Variants in MMS22L observed in about 807,000 individuals in gnomAD.
MMS22L encodes MMS22 like, DNA repair protein.
Under a neutral mutation model 159.1 loss-of-function variants are expected in MMS22L, and 74 were observed. That is an observed-to-expected ratio of 0.47 (90% confidence interval 0.39 to 0.56). The LOEUF (loss-of-function observed/expected upper bound fraction) is 0.56. Among genes scored for constraint, MMS22L ranks in the 20% least tolerant of loss-of-function variants. The pLI, the probability that MMS22L is intolerant of heterozygous loss-of-function variation, is 0.00. For synonymous variants in MMS22L, 517 were observed against 506.9 expected, an observed-to-expected ratio of 1.02 and a Z score of -0.27; for missense variants, 1,351 against 1,422.1, an observed-to-expected ratio of 0.95 and a Z score of 0.80.
chr6:97,273,147 C>T, intron 4 of MMS22L, 85 bp from the exon 5 acceptor site: 2 of 1,010,526 alleles, frequency 2.0e-6, no homozygotes, highest in Non-Finnish European at 3.0e-6. Context: ...ATACCGGCAG[C>T]AATTCTCTAT....
intron 9 of MMS22L, among the ~76,000 whole-genome samples, chr6:97,263,096 G>GA (rs1463653738): frequency 6.6e-6 from 1 of 151,886 alleles, no homozygotes; most frequent in Non-Finnish European, 1.5e-5. Flanking sequence ...AACAAAACTT[G>GA]AAAAAAAGTA....
intron 14 of MMS22L, among the ~76,000 whole-genome samples, chr6:97,208,796 C>T (rs906060749): frequency 5.9e-5 from 9 of 152,088 alleles, no homozygotes; most frequent in African/African-American, 2.4e-5. Context: ...CCCAGGTCTA[C>T]ACTCTGGCCC....
At chr6:97,204,589 C>T (rs890093960) in intron 14 of MMS22L, among the ~76,000 whole-genome samples, 4 of 151,954 alleles carry the variant, frequency 2.6e-5, no homozygotes, top group South Asian at 4.1e-4. Context: ...CCCAGGAGTT[C>T]GAGACTAGCC....
At chr6:97,198,736 G>A (rs951141068) in intron 14 of MMS22L, among the ~76,000 whole-genome samples, 8 of 152,050 alleles carry the variant, frequency 5.3e-5, no homozygotes, top group South Asian at 4.1e-4. Flanking sequence ...CCTAGAAGCC[G>A]TTCCCAACAA....
At chr6:97,275,125 A>G (rs1384775981) in intron 4 of MMS22L, among the ~76,000 whole-genome samples, 1 of 152,270 alleles carries the variant, frequency 6.6e-6, no homozygotes. Context: ...GAAACCCACA[A>G]TGTTCATCTA....
chr6:97,199,820 C>T (rs1806951095), intron 14 of MMS22L, among the ~76,000 whole-genome samples: 1 of 151,996 alleles, frequency 6.6e-6, no homozygotes, highest in African/African-American at 2.4e-5. Flanking sequence ...AAATAACAGT[C>T]TAGTCACCAT....
rs1340210813 is a variant in MMS22L at position 97,231,593 on chromosome 6, T to G, written c.1362A>C (p.Ser454=). The change falls in exon 13 of 25, where the codon TCA becomes TCC. Residue 454 remains serine (S), a synonymous_variant. Coordinates refer to ENST00000683635, the MANE Select transcript of MMS22L (RefSeq NM_001350599.2). ...TCACCATTTCAAGCATAGACAAGGG[T>G]GACTTCATGGTATTAGCAAGGCCTT... The part of the protein sequence containing the change: ...PFKGLANTMK[S]PLSMLEMVKT... 3 of 1,613,722 alleles carry G rather than the reference T, an allele frequency of 1.9e-6. No individual in the cohort carries two copies. The highest frequency in any genetic ancestry group is 2.5e-6 in the Non-Finnish European group (3 of 1,179,866).
chr6:97,267,910 A>C lies in MMS22L; in HGVS notation c.790T>G (p.Cys264Gly). 6.2e-7 allele frequency: 1 copy of C among 1,608,758 alleles called. No individual in the cohort carries two copies. The highest frequency in any genetic ancestry group is 1.1e-5 in the South Asian group (1 of 89,984). The change falls in exon 8 of 25, where the codon TGT becomes GGT. Residue 264 changes from cysteine to glycine, a missense_variant. Physicochemically the swap from Cys to Gly is radical, Grantham distance 159. Transcript: ENST00000683635. ...LFEEHCETLL[C>G]DLISLSLNRY... ...TTGAGTGACAGGCTTATTAAATCAC[A>C]AAGGAGAGTTTCACAATGTTCTTCA...
intron 10 of MMS22L, 179 bp downstream of exon 10, chr6:97,254,378 C>A: frequency 1.7e-6 from 1 of 578,826 alleles, no homozygotes; most frequent in Non-Finnish European, 2.9e-6. Flanking sequence ...TTTAATTAAA[C>A]AATTAAAACA....
chr6:97,182,607 T>C (rs998856070), intron 15 of MMS22L, among the ~76,000 whole-genome samples: 5 of 152,202 alleles, frequency 3.3e-5, no homozygotes, highest in Non-Finnish European at 7.4e-5. Flanking sequence ...GTGATTTTTC[T>C]TGGGAACCCA....
chr6:97,202,415 G>A lies in MMS22L; in HGVS notation c.2040-15725C>T, dbSNP rs917961641. On this transcript the variant is annotated intron_variant, in intron 14 of 24. Transcript: ENST00000683635. Reference sequence around the variant, plus strand: ...TATATATATAGAGCAAAGCTGCGAAGATCGCTGCAACACAACTTTTAAATA... The same window carrying A: ...TATATATATAGAGCAAAGCTGCGAAAATCGCTGCAACACAACTTTTAAATA... Among the ~76,000 whole-genome samples the A allele has an allele frequency of 4.6e-5, 7 of 152,170 alleles. No individual in the cohort carries two copies. The East Asian group carries it at 1.2e-3, about 25-fold the overall frequency.
chr6:97,193,962 C>T (rs540805571), intron 14 of MMS22L, among the ~76,000 whole-genome samples: 20 of 152,138 alleles, frequency 1.3e-4, no homozygotes, highest in South Asian at 1.0e-3. Context: ...GGGGTTTCAC[C>T]GTGTTAGCCA....
chr6:97,162,290 A>C, intron 21 of MMS22L, 125 bp from the exon 22 acceptor site: 1 of 686,598 alleles, frequency 1.5e-6, no homozygotes, highest in East Asian at 2.9e-5. Context: ...ACTTGTATAA[A>C]GTATGTATAT....
chr6:97,204,816 A>G (rs543885170), intron 14 of MMS22L, among the ~76,000 whole-genome samples: 3 of 145,928 alleles, frequency 2.1e-5, no homozygotes, highest in Non-Finnish European at 4.5e-5. Flanking sequence ...AAAAAAAATC[A>G]ACTATAATTA....
chr6:97,151,260 G>C (rs1159849060), intron 23 of MMS22L, among the ~76,000 whole-genome samples: 1 of 152,138 alleles, frequency 6.6e-6, no homozygotes, highest in Admixed American at 6.5e-5. Context: ...CATTTTTACT[G>C]TACCTTTTCT....
chr6:97,278,490 C>T (rs1328782539), intron 4 of MMS22L, among the ~76,000 whole-genome samples: 7 of 149,540 alleles, frequency 4.7e-5, no homozygotes, highest in Non-Finnish European at 4.5e-5. Context: ...CAAAAGCAAA[C>T]ACAAAAGCAG....
At chr6:97,162,201 AAGCTTCAATAG>A in intron 21 of MMS22L, 36 bp from the exon 22 acceptor site, 1 of 1,562,328 alleles carries the variant, frequency 6.4e-7, no homozygotes, top group Non-Finnish European at 8.6e-7. Flanking sequence ...TCTCTGCTTA[AAGCTTCAATAG>A]AGCAAGACCA....
rs1802872292 is a variant in MMS22L, at chr6:97,165,477, G to A, written c.3010-20C>T. ...CATGCCCTACAAGGAAAAAAAGTAAGAAATACTAAGAGGTAAAGTTTCAAA... is the reference window on the plus strand; with the variant it reads ...CATGCCCTACAAGGAAAAAAAGTAAAAAATACTAAGAGGTAAAGTTTCAAA... On this transcript the variant is annotated intron_variant, in intron 20 of 24. Transcript: ENST00000683635. 2 of 1,590,780 alleles carry A rather than the reference G, an allele frequency of 1.3e-6. No homozygotes were observed. The highest frequency in any genetic ancestry group is 8.6e-7 in the Non-Finnish European group (1 of 1,163,614).
chr6:97,242,127 T>A (rs1411175467), intron 11 of MMS22L, among the ~76,000 whole-genome samples: 3 of 152,210 alleles, frequency 2.0e-5, no homozygotes, highest in Non-Finnish European at 4.4e-5. Flanking sequence ...TGTTCTAGGG[T>A]ATAGTTTAAA....
Sources: gnomAD v4.1 joint callset for allele counts (sites outside exome capture counted in the v4.1 genomes callset) on GRCh38, gnomAD v4.1.1 for gene constraint, MANE v1.5 for transcripts, NCBI Gene and HGNC (gene_info 2026-07-23, HGNC 2026-07-21) for gene names.